Variants in RASAL2 observed in about 807,000 individuals in gnomAD.
RASAL2 encodes the protein ras GTPase-activating protein nGAP.
In RASAL2, 58 loss-of-function variants were observed where a neutral mutation model predicts 128.9. That is an observed-to-expected ratio of 0.45 (90% CI 0.36 to 0.56). The LOEUF (loss-of-function observed/expected upper bound fraction) is 0.56. Ranked by LOEUF, RASAL2 falls within the 20% of genes least tolerant of loss-of-function variation. The pLI, the probability that RASAL2 is intolerant of heterozygous loss-of-function variation, is 0.00. For synonymous variants in RASAL2, 561 were observed against 580.8 expected, an observed-to-expected ratio of 0.97 and a Z score of 0.49; for missense variants, 1,360 against 1,601.6, an observed-to-expected ratio of 0.85 and a Z score of 2.57.
At position 178,468,283 on chromosome 1, in the gene RASAL2, C is replaced by T. The variant is rs144893469; in HGVS notation, c.3678+862C>T. 3.5e-3 allele frequency among the ~76,000 whole-genome samples: 534 copies of T among 152,260 alleles called. 3 individuals are homozygous for T. Among genetic ancestry groups the T allele is most frequent in the African/African-American group, 0.012 (510 of 41,540 alleles). ...AATGTGTTGCTTCCCTGAAGATAGC[C>T]GATCCAGGTTTGCATTTTTCAACCT... On this transcript the variant is annotated intron_variant, in intron 17 of 17. Coordinates refer to ENST00000367649, the MANE Select transcript of RASAL2 (RefSeq NM_170692.4).
At chr1:178,179,293 C>T (rs1420564923) in intron 1 of RASAL2, among the ~76,000 whole-genome samples, 1 of 152,152 alleles carries the variant, frequency 6.6e-6, no homozygotes, top group East Asian at 1.9e-4. Flanking sequence ...CCAGTGTGAT[C>T]TGGTTCTGAA....
intron 1 of RASAL2, among the ~76,000 whole-genome samples, chr1:178,136,360 C>G (rs1337143201): frequency 6.6e-6 from 1 of 152,170 alleles, no homozygotes; most frequent in Non-Finnish European, 1.5e-5. Context: ...CATATCAAAT[C>G]TATTTCCTCA....
intron 1 of RASAL2, among the ~76,000 whole-genome samples, chr1:178,258,891 TGTA>T (rs1437477611): frequency 1.3e-5 from 2 of 152,088 alleles, no homozygotes; most frequent in African/African-American, 4.8e-5. Context: ...ATAAATAAAA[TGTA>T]GTATATCTAT....
chr1:178,224,066 T>G (rs957908556), intron 1 of RASAL2, among the ~76,000 whole-genome samples: 4 of 152,064 alleles, frequency 2.6e-5, no homozygotes, highest in Non-Finnish European at 5.9e-5. Context: ...TAAGTAGATG[T>G]GTTAATTGTG....
chr1:178,338,002 G>C (rs1669681309), intron 3 of RASAL2, among the ~76,000 whole-genome samples: 1 of 152,078 alleles, frequency 6.6e-6, no homozygotes, highest in South Asian at 2.1e-4. Flanking sequence ...AAAGTACTGG[G>C]ATTACAGGCG....
rs1663654512 is a variant in RASAL2 at position 178,222,690 on chromosome 1, G to T, written c.203-60874G>T. 2.0e-5 allele frequency among the ~76,000 whole-genome samples: 3 copies of T among 151,974 alleles called. No individual in the cohort carries two copies. The South Asian group carries it at 6.2e-4, about 32-fold the overall frequency. On this transcript the variant is annotated intron_variant, in intron 1 of 17. Coordinates refer to ENST00000367649, the MANE Select transcript of RASAL2 (RefSeq NM_170692.4). ...ATATATTCATTAAAGAACATATAAA[G>T]CTTGTTAAGAGCTTGTGGATATCTC...
At chr1:178,247,514 A>G (rs555269280) in intron 1 of RASAL2, among the ~76,000 whole-genome samples, 2 of 152,128 alleles carry the variant, frequency 1.3e-5, no homozygotes, top group South Asian at 4.2e-4. Context: ...CTTTTCAGAA[A>G]ACCAGCTCCT....
intron 5 of RASAL2, among the ~76,000 whole-genome samples, chr1:178,437,340 G>C (rs1267533736): frequency 2.0e-5 from 3 of 151,990 alleles, no homozygotes; most frequent in Non-Finnish European, 2.9e-5. Context: ...TCTTCTATTT[G>C]TTCTCGTCTT....
At chr1:178,328,118 T>A (rs1250862821) in intron 3 of RASAL2, among the ~76,000 whole-genome samples, 1 of 152,222 alleles carries the variant, frequency 6.6e-6, no homozygotes, top group Non-Finnish European at 1.5e-5. Flanking sequence ...TAATTTCTTA[T>A]GGTAGCACTA....
intron 5 of RASAL2, among the ~76,000 whole-genome samples, chr1:178,427,527 T>A (rs921379893): frequency 6.6e-6 from 1 of 152,158 alleles, no homozygotes; most frequent in Admixed American, 6.6e-5. Flanking sequence ...CATTGGTAGG[T>A]GGAATTATGG....
At chr1:178,330,736 A>G (rs1286885822) in intron 3 of RASAL2, among the ~76,000 whole-genome samples, 2 of 152,116 alleles carry the variant, frequency 1.3e-5, no homozygotes, top group Non-Finnish European at 2.9e-5. Flanking sequence ...AAGGTTTTTG[A>G]GGGAAAAAAA....
intron 4 of RASAL2, among the ~76,000 whole-genome samples, chr1:178,398,821 A>C (rs1673428852): frequency 6.6e-6 from 1 of 152,006 alleles, no homozygotes; most frequent in Non-Finnish European, 1.5e-5. Context: ...GATCTTGTCT[A>C]CCTCTCTTCA....
At chr1:178,142,767 G>T (rs967389846) in intron 1 of RASAL2, among the ~76,000 whole-genome samples, 3 of 152,104 alleles carry the variant, frequency 2.0e-5, no homozygotes. Context: ...TGTAAACCTC[G>T]GGGAAGTCCG....
At chr1:178,185,962 T>C (rs549972615) in intron 1 of RASAL2, among the ~76,000 whole-genome samples, 3 of 152,252 alleles carry the variant, frequency 2.0e-5, no homozygotes, top group African/African-American at 4.8e-5. Context: ...AGAATTGTTA[T>C]TGCTTGTTCC....
rs1647635864 is a variant in RASAL2 at position 178,465,955 on chromosome 1, G to A, written c.3423G>A (p.Leu1141=). The change falls in exon 16 of 18, where the codon CTG becomes CTA. Residue 1141 remains leucine (L), a synonymous_variant. Coordinates refer to ENST00000367649, the MANE Select transcript of RASAL2 (RefSeq NM_170692.4). ...AAATTACTAAACTGAAGGAGCGCCT[G>A]AGAGTTTCCAGCCGGCGACTGGAGG... ...EQEITKLKER[L]RVSSRRLEEY... is the part of the protein sequence containing the mutation. The A allele has an allele frequency of 2.6e-6, 4 of 1,555,208 alleles. No individual in the cohort carries two copies. The highest frequency in any genetic ancestry group is 3.5e-6 in the Non-Finnish European group (4 of 1,148,686).
At chr1:178,390,565 G>A (rs1277450416) in intron 4 of RASAL2, among the ~76,000 whole-genome samples, 2 of 152,002 alleles carry the variant, frequency 1.3e-5, no homozygotes, top group Admixed American at 6.6e-5. Context: ...TTTTAGTAGA[G>A]GCGGGGTTTT....
intron 1 of RASAL2, among the ~76,000 whole-genome samples, chr1:178,156,237 G>C (rs1401909440): frequency 6.6e-6 from 1 of 152,122 alleles, no homozygotes; most frequent in Non-Finnish European, 1.5e-5. Flanking sequence ...AAGAAATCAA[G>C]CTATTGATTT....
intron 3 of RASAL2, among the ~76,000 whole-genome samples, chr1:178,309,925 T>C (rs2102298843): frequency 6.6e-6 from 1 of 152,294 alleles, no homozygotes; most frequent in Middle Eastern, 3.4e-3. Flanking sequence ...TGGGTGTGGC[T>C]AATAACACTC....
intron 3 of RASAL2, among the ~76,000 whole-genome samples, chr1:178,333,723 G>A (rs1208005783): frequency 2.6e-5 from 4 of 152,166 alleles, no homozygotes; most frequent in Admixed American, 2.6e-4. Context: ...ACAAAATAGT[G>A]TATAATCATA....
Sources: gnomAD v4.1 joint callset for allele counts (sites outside exome capture counted in the v4.1 genomes callset) on GRCh38, gnomAD v4.1.1 for gene constraint, MANE v1.5 for transcripts, NCBI Gene and HGNC (gene_info 2026-07-23, HGNC 2026-07-21) for gene names.